Variants in ZNF695 observed in about 807,000 individuals in gnomAD.
ZNF695 encodes zinc finger protein SBZF3.
A neutral mutation model predicts 11.2 loss-of-function variants in ZNF695; 11 were observed. The ratio of observed to expected loss-of-function variants is 0.98; its 90% CI spans 0.62 to 1.62. The LOEUF (loss-of-function observed/expected upper bound fraction) is 1.62, where lower values mean the gene tolerates loss of function less well. Among genes scored for constraint, ZNF695 ranks in the 40% most tolerant of loss-of-function variants. The pLI, the probability that ZNF695 is intolerant of heterozygous loss-of-function variation, is 0.00. For missense variants in ZNF695, 559 were observed against 590.5 expected, an observed-to-expected ratio of 0.95 and a Z score of 0.55; for synonymous variants, 190 against 201.4, an observed-to-expected ratio of 0.94 and a Z score of 0.48.
chr1:246,961,631 T>C (rs912256761), intron 5 of ZNF695, among the ~76,000 whole-genome samples: 2 of 152,222 alleles, frequency 1.3e-5, no homozygotes, highest in Admixed American at 1.3e-4. Context: ...TCCCTCTTGC[T>C]ACCTCTGCTT....
intron 1 of ZNF695, among the ~76,000 whole-genome samples, chr1:247,004,572 G>C (rs1312796559): frequency 1.3e-5 from 2 of 152,140 alleles, no homozygotes; most frequent in East Asian, 3.8e-4. Flanking sequence ...ACTTAGTACT[G>C]TAAGTCCTAA....
At chr1:246,984,416 C>G (rs771328382), downstream of ZNF695, among the ~76,000 whole-genome samples, 44 of 152,152 alleles carry the variant, frequency 2.9e-4, no homozygotes, top group Middle Eastern at 3.4e-3. Context: ...AGTTGTGCAG[C>G]CTGGGTAGAG....
At chr1:246,976,750 C>T (rs575046533) in intron 4 of ZNF695, among the ~76,000 whole-genome samples, 33 of 152,138 alleles carry the variant, frequency 2.2e-4, no homozygotes, top group Admixed American at 9.8e-4. Flanking sequence ...GCTGAGATCG[C>T]GCCACTGCAC....
chr1:246,986,646 T>C lies in ZNF695; in HGVS notation c.*321A>G. 3.8e-6 allele frequency: 4 copies of C among 1,047,136 alleles called. No individual in the cohort carries two copies. The highest frequency in any genetic ancestry group is 4.5e-5 in the South Asian group (1 of 22,454). The allele number at this position is 1,047,136 out of a possible 1,614,324, so 64.9% of individuals were successfully genotyped here. A position where few individuals can be genotyped will look rare whatever the true frequency, so the allele number is the denominator to read the frequency against. ...ATATTTTTTGAACAAATGTTGTTTC[T>C]GCATTTATTACATTTGTAGGGTTTC... On this transcript the variant is annotated 3_prime_UTR_variant, in exon 4 of 4. Transcript: ENST00000339986.
intron 3 of ZNF695, among the ~76,000 whole-genome samples, chr1:246,992,950 A>C (rs1669083412): frequency 6.6e-6 from 1 of 152,182 alleles, no homozygotes; most frequent in South Asian, 2.1e-4. Context: ...CCTATTACAC[A>C]GAGTACTGAA....
Position 246,947,266 on chromosome 1 carries a change from A to G in ZNF695, c.489-1439T>C, listed in dbSNP as rs185564087. Among the ~76,000 whole-genome samples, 21 of 147,174 alleles carry G rather than the reference A, an allele frequency of 1.4e-4. 2 individuals are homozygous for G. The highest frequency in any genetic ancestry group is 5.2e-4 in the African/African-American group (21 of 40,150). ...CCAGGCTGGAGTGCAGTGGCCGTTC[A>G]CAGGCACTGTCATGCCTGTCATATA... On this transcript the variant is annotated intron_variant, in intron 5 of 5. Transcript: ENST00000487338.
Position 246,960,349 on chromosome 1 carries a change from G to A in ZNF695, c.488+7346C>T, listed in dbSNP as rs557216279. The stretch of plus-strand genomic sequence containing the variant: ...TGTACTCAAGCAGGCTGATATGATT[G>A]CAGTTTGGGGAAAAATTTATATTAT... On this transcript the variant is annotated intron_variant, in intron 5 of 5. Transcript: ENST00000487338. 2.6e-5 allele frequency among the ~76,000 whole-genome samples: 4 copies of A among 152,308 alleles called. 1 individual carries two copies. Among genetic ancestry groups the A allele is most frequent in the African/African-American group, 9.6e-5 (4 of 41,558 alleles).
At chr1:246,953,084 C>T (rs766559890) in intron 5 of ZNF695, among the ~76,000 whole-genome samples, 13 of 152,096 alleles carry the variant, frequency 8.5e-5, no homozygotes, top group African/African-American at 2.7e-4. Context: ...CCTAGGCTTT[C>T]GGTGTAATAC....
intron 3 of ZNF695, among the ~76,000 whole-genome samples, chr1:246,994,350 G>A (rs1669130589): frequency 6.6e-6 from 1 of 151,906 alleles, no homozygotes. Context: ...AGACCAGCCT[G>A]GCCAACGTGG....
chr1:246,994,593 T>A (rs1159490748), intron 3 of ZNF695, among the ~76,000 whole-genome samples: 1 of 151,708 alleles, frequency 6.6e-6, no homozygotes, highest in African/African-American at 2.4e-5. Flanking sequence ...ATCCCAGCAC[T>A]TTGTGAGGCT....
intron 3 of ZNF695, among the ~76,000 whole-genome samples, chr1:246,997,329 C>T (rs959687271): frequency 6.6e-6 from 1 of 152,058 alleles, no homozygotes; most frequent in Non-Finnish European, 1.5e-5. Flanking sequence ...ATGGTGAAAC[C>T]CCATCTCTAC....
intron 1 of ZNF695, among the ~76,000 whole-genome samples, chr1:247,004,309 C>T (rs1669475741): frequency 6.6e-6 from 1 of 152,150 alleles, no homozygotes; most frequent in Non-Finnish European, 1.5e-5. Flanking sequence ...ACCCATGTAA[C>T]ACATCATATT....
At chr1:246,965,997 G>A (rs1005724904) in intron 5 of ZNF695, among the ~76,000 whole-genome samples, 1 of 151,468 alleles carries the variant, frequency 6.6e-6, no homozygotes, top group African/African-American at 2.4e-5. Context: ...AGGTAGTCAG[G>A]GAGGCCTCAG....
intron 3 of ZNF695, among the ~76,000 whole-genome samples, chr1:246,989,796 T>C (rs1165696492): frequency 6.6e-6 from 1 of 152,078 alleles, no homozygotes; most frequent in Non-Finnish European, 1.5e-5. Flanking sequence ...GGCGAGCAGA[T>C]CGTTTGGGCT....
chr1:246,990,193 AAGAGAAAG>A (rs1668988006), intron 3 of ZNF695, among the ~76,000 whole-genome samples: 1 of 39,720 alleles, frequency 2.5e-5, no homozygotes, highest in Non-Finnish European at 5.9e-5. Flanking sequence ...AAGGAAGGAA[AAGAGAAAG>A]AGAGAGAGAA....
At chr1:246,948,926 C>T (rs146809074) in intron 5 of ZNF695, among the ~76,000 whole-genome samples, 125 of 152,230 alleles carry the variant, frequency 8.2e-4, no homozygotes, top group African/African-American at 2.8e-3. Context: ...GTTCTGAGAA[C>T]GAAATTACAT....
intron 3 of ZNF695, among the ~76,000 whole-genome samples, chr1:246,991,036 C>T (rs1171595022): frequency 6.6e-6 from 1 of 152,040 alleles, no homozygotes; most frequent in African/African-American, 2.4e-5. Context: ...TCCAACAATG[C>T]ATCTTACAGA....
intron 5 of ZNF695, among the ~76,000 whole-genome samples, chr1:246,965,594 AG>A (rs1374715349): frequency 6.7e-6 from 1 of 150,314 alleles, no homozygotes; most frequent in Non-Finnish European, 1.5e-5. Flanking sequence ...AAAATTAGCC[AG>A]GTGTGGTCGT....
intron 1 of ZNF695, among the ~76,000 whole-genome samples, chr1:247,005,700 AC>A (rs772982885): frequency 6.6e-5 from 10 of 152,204 alleles, no homozygotes; most frequent in East Asian, 3.9e-4. Flanking sequence ...AACAAAAAAA[AC>A]GATAAAAAAC....
Sources: gnomAD v4.1 joint callset for allele counts (sites outside exome capture counted in the v4.1 genomes callset) on GRCh38, gnomAD v4.1.1 for gene constraint, MANE v1.5 for transcripts, NCBI Gene and HGNC (gene_info 2026-07-23, HGNC 2026-07-21) for gene names.